The following TNS3 variants were observed in gnomAD, a reference collection of about 807,000 sequenced individuals.
The protein encoded by TNS3 is tensin-3.
Under a neutral mutation model 140.9 loss-of-function variants are expected in TNS3, and 45 were observed. The ratio of observed to expected loss-of-function variants is 0.32; its 90% CI spans 0.25 to 0.41. The LOEUF is 0.41. Ranked by LOEUF, TNS3 falls within the 10% of genes least tolerant of loss-of-function variation. The pLI is 1.00. For missense variants in TNS3, 1,716 were observed against 1,906.7 expected (o/e 0.90, Z 1.86); for synonymous variants, 815 against 788.4 (o/e 1.03, Z -0.56).
At chr7:47,368,330 T>C in intron 17 of TNS3, 35 bp downstream of exon 17, 1 of 1,445,992 alleles carries the variant, frequency 6.9e-7, no homozygotes, top group Non-Finnish European at 9.1e-7. Flanking sequence ...GTGGAGCACC[T>C]CCCGTGGAGC....
At chr7:47,493,827 C>CAAAA (rs773516399) in intron 3 of TNS3, among the ~76,000 whole-genome samples, 1 of 114,278 alleles carries the variant, frequency 8.8e-6, no homozygotes, top group Non-Finnish European at 1.8e-5. Flanking sequence ...GACTCCGTCT[C>CAAAA]AAAAAAAAAA....
intron 1 of TNS3, among the ~76,000 whole-genome samples, chr7:47,555,902 G>C (rs1417600285): frequency 2.0e-5 from 3 of 152,220 alleles, no homozygotes; most frequent in Admixed American, 6.5e-5. Flanking sequence ...CAATGGTCCA[G>C]TTGGCACCAA....
chr7:47,406,238 G>A (rs998363967), intron 13 of TNS3, among the ~76,000 whole-genome samples: 1 of 152,148 alleles, frequency 6.6e-6, no homozygotes, highest in Non-Finnish European at 1.5e-5. Context: ...CAGCTGGGAG[G>A]GGCCAAGCAG....
At chr7:47,366,779 G>A (rs1208897106) in intron 17 of TNS3, among the ~76,000 whole-genome samples, 1 of 152,190 alleles carries the variant, frequency 6.6e-6, no homozygotes, top group Non-Finnish European at 1.5e-5. Context: ...CAACACGACT[G>A]TAAGGCAGAG....
chr7:47,341,512 C>T (rs1479008563), intron 20 of TNS3, among the ~76,000 whole-genome samples: 5 of 152,082 alleles, frequency 3.3e-5, no homozygotes, highest in East Asian at 1.9e-4. Flanking sequence ...AAAAACTATG[C>T]ATGTAGAGTA....
At chr7:47,350,094 T>C (rs1470710827) in intron 17 of TNS3, among the ~76,000 whole-genome samples, 1 of 152,200 alleles carries the variant, frequency 6.6e-6, no homozygotes, top group African/African-American at 2.4e-5. Flanking sequence ...CCTTACCCAC[T>C]GGTGCCTTTC....
At chr7:47,564,445 G>A (rs1433363365) in intron 1 of TNS3, among the ~76,000 whole-genome samples, 1 of 151,884 alleles carries the variant, frequency 6.6e-6, no homozygotes, top group Non-Finnish European at 1.5e-5. Context: ...AGACCAGCCT[G>A]ACCAACATGG....
At chr7:47,362,668 A>C (rs1395497867) in intron 17 of TNS3, among the ~76,000 whole-genome samples, 3 of 152,122 alleles carry the variant, frequency 2.0e-5, no homozygotes, top group Admixed American at 2.0e-4. Context: ...CAGTGTAGGC[A>C]CTCAGAGTAA....
chr7:47,497,224 G>C (rs947637560), intron 3 of TNS3, among the ~76,000 whole-genome samples: 1 of 152,200 alleles, frequency 6.6e-6, no homozygotes, highest in Admixed American at 6.5e-5. Context: ...AACATTTCAT[G>C]AAATAAATCT....
chr7:47,359,884 G>A (rs1179586545), intron 17 of TNS3, among the ~76,000 whole-genome samples: 1 of 152,188 alleles, frequency 6.6e-6, no homozygotes, highest in Non-Finnish European at 1.5e-5. Context: ...AGTGTGGACT[G>A]AGCAGAAGGT....
At chr7:47,412,342 C>A (rs566570301) in intron 12 of TNS3, among the ~76,000 whole-genome samples, 7 of 152,312 alleles carry the variant, frequency 4.6e-5, no homozygotes, top group African/African-American at 1.4e-4. Context: ...GCAAAGGAGG[C>A]TAGACATGGC....
At chr7:47,419,062 TCTGCTGAGCATTCC>T (rs1206849515) in intron 10 of TNS3, among the ~76,000 whole-genome samples, 2 of 152,258 alleles carry the variant, frequency 1.3e-5, no homozygotes, top group African/African-American at 4.8e-5. Context: ...TTCTTAACGT[TCTGCTGAGCATTCC>T]CTTCCCTCTC....
intron 8 of TNS3, among the ~76,000 whole-genome samples, chr7:47,430,041 T>G (rs971587660): frequency 1.3e-5 from 2 of 152,220 alleles, no homozygotes; most frequent in Non-Finnish European, 2.9e-5. Context: ...CAGGCACACA[T>G]GGTGGTGACA....
At chr7:47,557,120 T>A (rs1176533676) in intron 1 of TNS3, 1 of 456,766 alleles carries the variant, frequency 2.2e-6, no homozygotes, top group East Asian at 6.9e-5. Flanking sequence ...CTGGAGCACA[T>A]GAGGAGGCTC....
rs914548417 is a variant in TNS3 at position 47,497,223 on chromosome 7, T to C, written c.-115+9684A>G. On this transcript the variant is annotated intron_variant, in intron 3 of 30. Coordinates refer to ENST00000311160, the MANE Select transcript of TNS3 (RefSeq NM_022748.12). ...TATGCTAGCGGTAGGCAACATTTCA[T>C]GAAATAAATCTACTAGCGTCAGTAC... Among the ~76,000 whole-genome samples the C allele has an allele frequency of 3.9e-5, 6 of 152,226 alleles. No individual in the cohort carries two copies. The East Asian group carries it at 9.6e-4, about 24-fold the overall frequency.
At chr7:47,538,035 C>T (rs890539132) in intron 1 of TNS3, among the ~76,000 whole-genome samples, 2 of 146,594 alleles carry the variant, frequency 1.4e-5, no homozygotes, top group Admixed American at 1.4e-4. Context: ...GAAGTCCCGT[C>T]TTCCTTTATG....
At chr7:47,502,101 AG>A (rs1200918023) in intron 3 of TNS3, among the ~76,000 whole-genome samples, 5 of 152,240 alleles carry the variant, frequency 3.3e-5, no homozygotes, top group Non-Finnish European at 7.3e-5. Context: ...CACATGGAAC[AG>A]CAAAAATCAG....
intron 17 of TNS3, among the ~76,000 whole-genome samples, chr7:47,366,960 T>C (rs1790743220): frequency 6.6e-6 from 1 of 152,200 alleles, no homozygotes; most frequent in Non-Finnish European, 1.5e-5. Flanking sequence ...CTCTCTGGTC[T>C]TCACTTTTAG....
intron 11 of TNS3, among the ~76,000 whole-genome samples, chr7:47,414,392 G>C (rs1584605124): frequency 6.6e-6 from 1 of 152,214 alleles, no homozygotes; most frequent in East Asian, 1.9e-4. Context: ...CAAGGGTCCT[G>C]AATCCCAGCC....
Sources: gnomAD v4.1 joint callset for allele counts (sites outside exome capture counted in the v4.1 genomes callset) on GRCh38, gnomAD v4.1.1 for gene constraint, MANE v1.5 for transcripts, NCBI Gene and HGNC (gene_info 2026-07-23, HGNC 2026-07-21) for gene names.